Variants in TUBGCP2 observed in about 807,000 individuals in gnomAD.
TUBGCP2 encodes the protein tubulin gamma complex component 2.
A neutral mutation model predicts 92.2 loss-of-function variants in TUBGCP2; 55 were observed. That is an observed-to-expected ratio of 0.60 (90% CI 0.48 to 0.75). The LOEUF is 0.75. Among genes scored for constraint, TUBGCP2 ranks in the 30% least tolerant of loss-of-function variants. The probability of loss-of-function intolerance (pLI) is 0.00; values close to 1 mark genes in which losing one functional copy is unlikely to be tolerated. For synonymous variants in TUBGCP2, 533 were observed against 505.2 expected (o/e 1.06, Z -0.74); for missense variants, 1,093 against 1,188.9 (o/e 0.92, Z 1.19).
chr10:133,309,847 A>G, upstream of TUBGCP2: 1 of 1,613,770 alleles, frequency 6.2e-7, no homozygotes, highest in Non-Finnish European at 8.5e-7. Flanking sequence ...TACGAGCACC[A>G]CTACCACACG....
At chr10:133,287,254 C>G (rs891259221) in intron 11 of TUBGCP2, among the ~76,000 whole-genome samples, 4 of 152,256 alleles carry the variant, frequency 2.6e-5, no homozygotes, top group African/African-American at 7.2e-5. Flanking sequence ...CCAAGTCCCC[C>G]TCAAAAGTCT....
chr10:133,298,997 A>G (rs887537968), intron 4 of TUBGCP2, among the ~76,000 whole-genome samples: 1 of 152,250 alleles, frequency 6.6e-6, no homozygotes, highest in African/African-American at 2.4e-5. Context: ...AATCAAAACC[A>G]AGAGCAAGTA....
rs1847383950 is a variant in TUBGCP2 at position 133,292,606 on chromosome 10, G to A, written c.1107C>T (p.Asp369=). 3.7e-6 allele frequency: 6 copies of A among 1,614,180 alleles called. No homozygotes were observed. The highest frequency in any genetic ancestry group is 5.1e-6 in the Non-Finnish European group (6 of 1,180,018). The change falls in exon 8 of 18, where the codon GAC becomes GAT. Residue 369 remains aspartate (D), a synonymous_variant. Transcript: ENST00000252936. ...ACAGGCATAGCTCCTGCGCCTGGCT[G>A]TCCCCTGTGTAGCTGAAGCTCCTGT... ...LHDRSFSYTG[D]SQAQELCLYL...
At chr10:133,300,891 T>C (rs1253447860) in intron 2 of TUBGCP2, among the ~76,000 whole-genome samples, 3 of 152,232 alleles carry the variant, frequency 2.0e-5, no homozygotes, top group Non-Finnish European at 4.4e-5. Flanking sequence ...AGGTTTGTAC[T>C]GGAGAGTAGC....
At chr10:133,289,691 G>A (rs1258444756) in intron 9 of TUBGCP2, 133 bp downstream of exon 9, 19 of 1,064,992 alleles carry the variant, frequency 1.8e-5, no homozygotes, top group Admixed American at 2.5e-5. Flanking sequence ...CCTCAGCCCC[G>A]CATTCACGGA....
upstream of TUBGCP2, chr10:133,309,528 C>T (rs373750326): frequency 3.7e-5 from 57 of 1,539,616 alleles, no homozygotes; most frequent in East Asian, 7.1e-4. Flanking sequence ...GGTGCCTGGT[C>T]CCTGGGGCTG....
At chr10:133,283,332 C>A in intron 14 of TUBGCP2, 111 bp from the exon 15 acceptor site, 1 of 1,471,424 alleles carries the variant, frequency 6.8e-7, no homozygotes, top group South Asian at 1.2e-5. Context: ...GCACTTCTAC[C>A]TCTTAAATGG....
chr10:133,300,765 C>T (rs1308644213), intron 2 of TUBGCP2, among the ~76,000 whole-genome samples: 2 of 152,334 alleles, frequency 1.3e-5, no homozygotes, highest in Non-Finnish European at 2.9e-5. Flanking sequence ...TGAGCCCCTG[C>T]GCCCGCCCTT....
intron 16 of TUBGCP2, 164 bp from the exon 17 acceptor site, chr10:133,281,600 A>T: frequency 1.1e-6 from 1 of 951,352 alleles, no homozygotes; most frequent in Non-Finnish European, 1.5e-6. Flanking sequence ...AAAAGACATC[A>T]AAAAACATTC....
chr10:133,308,172 C>G (rs1847873625), intron 1 of TUBGCP2, among the ~76,000 whole-genome samples: 1 of 152,192 alleles, frequency 6.6e-6, no homozygotes. Flanking sequence ...TCCACTGCTT[C>G]CCGCGTGTGT....
rs527554063 is a variant in TUBGCP2 at position 133,308,847 on chromosome 10, G to A, written c.-64C>T. On this transcript the variant is annotated 5_prime_UTR_variant, in exon 1 of 18. Transcript: ENST00000252936. ...CCGCAGTCCCGGAGCCACAGCCCCC[G>A]CGCAGCCCCCGACGGCGGCGGAAGT... 3.8e-5 allele frequency: 41 copies of A among 1,084,464 alleles called. No individual in the cohort carries two copies. The highest frequency in any genetic ancestry group is 3.0e-4 in the African/African-American group (18 of 60,830). 67.2% of individuals were successfully genotyped at this position (1,084,464 alleles called of 1,614,324 possible). A position where few individuals can be genotyped will look rare whatever the true frequency, so the allele number is the denominator to read the frequency against.
At position 133,300,025 on chromosome 10, in the gene TUBGCP2, G is replaced by A. The variant is rs376428024; in HGVS notation, c.239C>T (p.Pro80Leu). The change falls in exon 3 of 18, where the codon CCG becomes CTG. Residue 80 changes from proline to leucine, a missense_variant. Pro to Leu is a moderately conservative substitution (Grantham distance 98). This residue lies in a region of TUBGCP2 where 490 missense variants were observed against 488.5 expected (regional missense o/e 1.00). Transcript: ENST00000252936. ...LKSKNTRNLD[P>L]LVYLLSKLTE... ...GAGCTTTGACAACAGGTACACCAGCGGGTCAAGGTTCCTTGTATTTTTAGA... is the reference window on the plus strand; with the variant it reads ...GAGCTTTGACAACAGGTACACCAGCAGGTCAAGGTTCCTTGTATTTTTAGA... The A allele has an allele frequency of 6.2e-6, 10 of 1,613,980 alleles. No individual in the cohort carries two copies. The highest frequency in any genetic ancestry group is 1.7e-5 in the Admixed American group (1 of 59,990).
At chr10:133,311,732 G>T (rs1055590533), upstream of TUBGCP2, 4 of 1,612,912 alleles carry the variant, frequency 2.5e-6, no homozygotes, top group Admixed American at 6.7e-5. Context: ...CTCAGCAGAA[G>T]CCCCAGGGGA....
At chr10:133,286,069 C>T (rs185630426) in intron 11 of TUBGCP2, among the ~76,000 whole-genome samples, 3 of 152,242 alleles carry the variant, frequency 2.0e-5, no homozygotes, top group African/African-American at 7.2e-5. Flanking sequence ...TAAGTTCCAA[C>T]CACCCGCAAC....
chr10:133,286,165 C>T (rs1320652551), intron 11 of TUBGCP2, among the ~76,000 whole-genome samples: 3 of 152,106 alleles, frequency 2.0e-5, no homozygotes, highest in East Asian at 1.9e-4. Flanking sequence ...AGCGGACAGA[C>T]GAAATCGTGA....
chr10:133,280,905 G>A, intron 17 of TUBGCP2, among the ~76,000 whole-genome samples: 1 of 152,038 alleles, frequency 6.6e-6, no homozygotes, highest in Non-Finnish European at 1.5e-5. Flanking sequence ...GGCAGGGGCA[G>A]GCGCTGGGCT....
chr10:133,299,656 T>G, intron 3 of TUBGCP2, 53 bp from the exon 4 acceptor site: 3 of 1,484,634 alleles, frequency 2.0e-6, no homozygotes, highest in Non-Finnish European at 2.8e-6. Flanking sequence ...TCTTTGGCCA[T>G]AGGGGGAGAG....
upstream of TUBGCP2, chr10:133,309,905 A>G: frequency 6.2e-7 from 1 of 1,613,618 alleles, no homozygotes; most frequent in South Asian, 1.1e-5. Flanking sequence ...TCCCTTCCGG[A>G]CACCTGCTGG....
At position 133,297,962 on chromosome 10, in the gene TUBGCP2, A is replaced by C; in HGVS notation, c.606T>G (p.Ala202=). The C allele has an allele frequency of 6.2e-7, 1 of 1,613,534 alleles. No individual in the cohort carries two copies. Among genetic ancestry groups the C allele is most frequent in the Admixed American group, 1.7e-5 (1 of 60,008 alleles). Residue 202 remains alanine, a synonymous_variant, in exon 5 of 18, where the codon GCT becomes GCG. Transcript: ENST00000252936. ...LIGAGISTDT[A]LPIGTLPLAS... ...CAACGCATCACGTACCTATCGGCAA[A>C]GCGGTGTCTGTGCTGATGCCAGCAC...
Sources: gnomAD v4.1 joint callset for allele counts (sites outside exome capture counted in the v4.1 genomes callset) on GRCh38, gnomAD v4.1.1 for gene constraint, gnomAD v4.1.1 regional missense constraint, MANE v1.5 for transcripts, NCBI Gene and HGNC (gene_info 2026-07-23, HGNC 2026-07-21) for gene names.